SLIT3: variants seen among roughly 807,000 people sequenced by gnomAD.
The protein encoded by SLIT3 is slit guidance ligand 3, also known as slit homolog 3 protein.
In SLIT3, 68 loss-of-function variants were observed where a neutral mutation model predicts 184.0. The observed-to-expected ratio is 0.37, with a 90% CI of 0.30 to 0.45. The LOEUF (loss-of-function observed/expected upper bound fraction) is 0.45. Ranked by LOEUF, SLIT3 falls within the 20% of genes least tolerant of loss-of-function variation. SLIT3 has a pLI of 1.00. For missense variants in SLIT3, 1,707 were observed against 2,026.0 expected (o/e 0.84, Z 3.02); for synonymous variants, 831 against 828.6 (o/e 1.00, Z -0.05).
chr5:168,790,697 G>A (rs1384734260), intron 10 of SLIT3: 1 of 152,158 alleles, frequency 6.6e-6, no homozygotes, highest in Non-Finnish European at 1.5e-5. Context: ...CTGGGATCTT[G>A]GAAGGTCAAC....
chr5:168,764,973 T>G (rs1311934906), intron 14 of SLIT3, among the ~76,000 whole-genome samples: 2 of 152,214 alleles, frequency 1.3e-5, no homozygotes, highest in African/African-American at 4.8e-5. Flanking sequence ...TACCTTCTCT[T>G]GTTCTCCGCA....
At chr5:168,930,930 C>T (rs1761969114) in intron 4 of SLIT3, among the ~76,000 whole-genome samples, 1 of 152,126 alleles carries the variant, frequency 6.6e-6, no homozygotes. Flanking sequence ...GATGAAACAT[C>T]CTATTTCAGA....
chr5:169,298,527 G>C (rs558881769), intron 1 of SLIT3, among the ~76,000 whole-genome samples: 3 of 152,142 alleles, frequency 2.0e-5, no homozygotes, highest in African/African-American at 7.2e-5. Context: ...ATGTAGTTGC[G>C]AGACCCCAAG....
intron 19 of SLIT3, among the ~76,000 whole-genome samples, chr5:168,749,161 G>A (rs1754608061): frequency 6.6e-6 from 1 of 152,210 alleles, no homozygotes; most frequent in African/African-American, 2.4e-5. Context: ...AGTATATTTG[G>A]TACAACAGTG....
intron 4 of SLIT3, among the ~76,000 whole-genome samples, chr5:169,164,628 C>G (rs1762577977): frequency 6.6e-6 from 1 of 152,224 alleles, no homozygotes; most frequent in South Asian, 2.1e-4. Context: ...CCTCCAGGCC[C>G]TGGCAGTTGT....
intron 4 of SLIT3, among the ~76,000 whole-genome samples, chr5:169,146,207 G>A (rs533928754): frequency 1.0e-3 from 153 of 152,338 alleles, no homozygotes; most frequent in African/African-American, 3.4e-3. Flanking sequence ...CTTCTCTAAG[G>A]ATATGCAATT....
At chr5:169,086,300 T>G (rs1053450214) in intron 4 of SLIT3, among the ~76,000 whole-genome samples, 1 of 152,196 alleles carries the variant, frequency 6.6e-6, no homozygotes, top group African/African-American at 2.4e-5. Flanking sequence ...GTTCTGAAAG[T>G]GTGTTGGTGA....
chr5:168,896,353 T>C (rs2113817963), intron 4 of SLIT3, among the ~76,000 whole-genome samples: 1 of 152,274 alleles, frequency 6.6e-6, no homozygotes, highest in African/African-American at 2.4e-5. Context: ...TTCGAGTTCA[T>C]CACATGCTGT....
At chr5:168,841,525 C>T (rs986991505) in intron 6 of SLIT3, among the ~76,000 whole-genome samples, 7 of 152,188 alleles carry the variant, frequency 4.6e-5, no homozygotes, top group Non-Finnish European at 7.3e-5. Context: ...CATCCCCCAT[C>T]GGGAATGAGT....
At chr5:168,970,958 A>G (rs571149310) in intron 4 of SLIT3, among the ~76,000 whole-genome samples, 27 of 152,348 alleles carry the variant, frequency 1.8e-4, no homozygotes, top group Admixed American at 3.3e-4. Flanking sequence ...AGTCCCCTCC[A>G]TGAAGAGCTT....
At chr5:169,194,685 G>T (rs1763684697) in intron 3 of SLIT3, among the ~76,000 whole-genome samples, 2 of 152,148 alleles carry the variant, frequency 1.3e-5, no homozygotes, top group South Asian at 4.1e-4. Context: ...TAGGCCCTGG[G>T]TCAGGGACCA....
At chr5:169,260,145 A>G (rs931583757) in intron 1 of SLIT3, among the ~76,000 whole-genome samples, 1 of 152,042 alleles carries the variant, frequency 6.6e-6, no homozygotes. Context: ...TAAAAAAAAT[A>G]AACAACTTTA....
intron 4 of SLIT3, among the ~76,000 whole-genome samples, chr5:168,989,170 A>T (rs1378928721): frequency 6.6e-6 from 1 of 152,254 alleles, no homozygotes; most frequent in African/African-American, 2.4e-5. Context: ...AGGCAAATCC[A>T]TACAAGACGG....
At chr5:168,966,898 T>A (rs1400169368) in intron 4 of SLIT3, among the ~76,000 whole-genome samples, 1 of 152,218 alleles carries the variant, frequency 6.6e-6, no homozygotes, top group Non-Finnish European at 1.5e-5. Flanking sequence ...TTGAGCAATT[T>A]GGCAATATAT....
chr5:168,844,288 C>T (rs1345892970), intron 6 of SLIT3, among the ~76,000 whole-genome samples: 4 of 152,082 alleles, frequency 2.6e-5, no homozygotes, highest in Admixed American at 6.5e-5. Context: ...CTCCCAGCAA[C>T]GAATGCTGCA....
intron 1 of SLIT3, among the ~76,000 whole-genome samples, chr5:169,282,251 A>G (rs2113648123): frequency 6.6e-6 from 1 of 152,246 alleles, no homozygotes; most frequent in Non-Finnish European, 1.5e-5. Flanking sequence ...TGTCTTAGCA[A>G]CTGTCACCTC....
chr5:169,262,310 A>T (rs772582499), intron 1 of SLIT3, among the ~76,000 whole-genome samples: 1 of 152,202 alleles, frequency 6.6e-6, no homozygotes, highest in African/African-American at 2.4e-5. Context: ...GAGAATAAAG[A>T]TATGGTGAGA....
intron 4 of SLIT3, among the ~76,000 whole-genome samples, chr5:169,127,835 G>A (rs113953431): frequency 1.6e-4 from 24 of 152,294 alleles, no homozygotes; most frequent in South Asian, 1.5e-3. Context: ...CTTGGCTTCT[G>A]TAGAGCTCTA....
At chr5:169,161,823 A>G (rs59365856) in intron 4 of SLIT3, among the ~76,000 whole-genome samples, 4,051 of 152,186 alleles carry the variant, frequency 0.027, 198 homozygotes, top group African/African-American at 0.092. Context: ...TGTCTGGATT[A>G]TAGCCCAGCT....
Sources: gnomAD v4.1 joint callset for allele counts (sites outside exome capture counted in the v4.1 genomes callset) on GRCh38, gnomAD v4.1.1 for gene constraint, MANE v1.5 for transcripts, NCBI Gene and HGNC (gene_info 2026-07-23, HGNC 2026-07-21) for gene names.